Variants in ESR1 observed in about 807,000 individuals in gnomAD.
ESR1 encodes the protein estrogen receptor 1, also known as estrogen receptor.
ESR1 carries 12 observed loss-of-function variants against 52.7 expected under a neutral mutation model. That is an observed-to-expected ratio of 0.23 (90% CI 0.15 to 0.37). The LOEUF (loss-of-function observed/expected upper bound fraction) is 0.37, where lower values mean the gene tolerates loss of function less well. Ranked by LOEUF, ESR1 falls within the 10% of genes least tolerant of loss-of-function variation. The pLI is 1.00. For synonymous variants in ESR1, 305 were observed against 316.8 expected, an observed-to-expected ratio of 0.96 and a Z score of 0.39; for missense variants, 584 against 779.7, an observed-to-expected ratio of 0.75 and a Z score of 2.99.
At chr6:151,874,709 C>T (rs759460424) in intron 2 of ESR1, among the ~76,000 whole-genome samples, 3 of 152,134 alleles carry the variant, frequency 2.0e-5, no homozygotes, top group Admixed American at 6.5e-5. Flanking sequence ...ACCCTTTGAT[C>T]AAGATATGCC....
At chr6:151,729,022 C>G (rs1782049137) in intron 2 of ESR1, among the ~76,000 whole-genome samples, 2 of 152,146 alleles carry the variant, frequency 1.3e-5, no homozygotes, top group Non-Finnish European at 2.9e-5. Flanking sequence ...ACTGTGCTCT[C>G]CTTTTGGTGT....
At chr6:152,057,530 C>G (rs749108271) in intron 5 of ESR1, among the ~76,000 whole-genome samples, 3 of 152,158 alleles carry the variant, frequency 2.0e-5, no homozygotes, top group Non-Finnish European at 2.9e-5. Flanking sequence ...CACTGCATTG[C>G]ATATCCCCCC....
At chr6:151,991,650 T>A (rs566762418) in intron 4 of ESR1, among the ~76,000 whole-genome samples, 4 of 152,218 alleles carry the variant, frequency 2.6e-5, no homozygotes, top group Middle Eastern at 3.4e-3. Context: ...TTCAGACTTG[T>A]CTCAATGGCA....
In ESR1 at chr6:152,060,988, T is replaced by C. The variant is rs754749466; in HGVS notation, c.1236-3T>C. ...TTTATTTATTTTTGCTATGTTTTCA[T>C]AGGAACCAGGGAAAATGTGTAGAGG... On this transcript the variant is annotated splice_region_variant and splice_polypyrimidine_tract_variant and intron_variant, in intron 5 of 7. Transcript: ENST00000206249. The C allele has an allele frequency of 1.9e-6, 3 of 1,600,892 alleles. No individual in the cohort carries two copies. The highest frequency in any genetic ancestry group is 2.2e-5 in the South Asian group (2 of 89,278).
intron 3 of ESR1, among the ~76,000 whole-genome samples, chr6:151,901,208 C>G (rs1796628477): frequency 6.6e-6 from 1 of 152,132 alleles, no homozygotes. Context: ...GTCATGCAGG[C>G]TGTCAGGAAT....
chr6:151,982,027 A>G lies in ESR1; in HGVS notation c.1097-29629A>G, dbSNP rs574332227. ...ACACAGATTCCTTTACACGTTACCAATGTAATGATATAGACAATCTCACTT... is the reference window on the plus strand; with the variant it reads ...ACACAGATTCCTTTACACGTTACCAGTGTAATGATATAGACAATCTCACTT... On this transcript the variant is annotated intron_variant, in intron 4 of 7. Transcript: ENST00000206249. 4.6e-5 allele frequency among the ~76,000 whole-genome samples: 7 copies of G among 152,368 alleles called. No homozygotes were observed. The South Asian group carries it at 1.2e-3, about 27-fold the overall frequency.
intron 4 of ESR1, among the ~76,000 whole-genome samples, chr6:151,953,233 T>A (rs1277386821): frequency 2.0e-5 from 3 of 152,102 alleles, no homozygotes; most frequent in African/African-American, 7.2e-5. Context: ...TTTAGACCCA[T>A]TGTGTGCTAA....
upstream of ESR1, among the ~76,000 whole-genome samples, chr6:151,690,062 A>G (rs569276132): frequency 6.6e-6 from 1 of 152,184 alleles, no homozygotes; most frequent in Non-Finnish European, 1.5e-5. Context: ...GAACCTCATT[A>G]ATCGGTAACA....
chr6:151,704,951 TTCA>T (rs1780073718), intron 2 of ESR1, among the ~76,000 whole-genome samples: 1 of 149,764 alleles, frequency 6.7e-6, no homozygotes, highest in Non-Finnish European at 1.5e-5. Flanking sequence ...TGAAGTTTCC[TTCA>T]GAAACTTCAG....
intron 3 of ESR1, among the ~76,000 whole-genome samples, chr6:151,892,128 A>T (rs1231865412): frequency 6.6e-6 from 1 of 152,172 alleles, no homozygotes; most frequent in Admixed American, 6.5e-5. Context: ...CTCTTTACCT[A>T]CTACCTAGGA....
intron 2 of ESR1, among the ~76,000 whole-genome samples, chr6:151,867,039 T>C (rs1194891902): frequency 6.6e-6 from 1 of 152,146 alleles, no homozygotes; most frequent in Non-Finnish European, 1.5e-5. Flanking sequence ...TAATAAATGG[T>C]GTTGGGAAAA....
At chr6:152,029,252 A>C (rs1204649276) in intron 5 of ESR1, among the ~76,000 whole-genome samples, 5 of 152,262 alleles carry the variant, frequency 3.3e-5, no homozygotes. Flanking sequence ...CTCCAAAGGA[A>C]CGCAGCTCCT....
chr6:151,855,766 A>G (rs557646598), intron 2 of ESR1, among the ~76,000 whole-genome samples: 1 of 152,328 alleles, frequency 6.6e-6, no homozygotes, highest in East Asian at 1.9e-4. Context: ...TCAGAAAAAA[A>G]TGGTATGAGT....
At chr6:152,026,207 T>C (rs1299215887) in intron 5 of ESR1, among the ~76,000 whole-genome samples, 1 of 152,112 alleles carries the variant, frequency 6.6e-6, no homozygotes, top group Non-Finnish European at 1.5e-5. Flanking sequence ...ATATTAGCTA[T>C]GCCCATGTCT....
intron 4 of ESR1, among the ~76,000 whole-genome samples, chr6:151,977,556 A>G (rs1408631771): frequency 2.0e-5 from 3 of 151,832 alleles, no homozygotes; most frequent in Non-Finnish European, 4.4e-5. Flanking sequence ...GCACTTTGGG[A>G]GGCCGAAGGA....
At chr6:152,010,853 C>T (rs953492888) in intron 4 of ESR1, among the ~76,000 whole-genome samples, 2 of 151,826 alleles carry the variant, frequency 1.3e-5, no homozygotes, top group African/African-American at 4.8e-5. Context: ...AAGGGCTCAA[C>T]AAACCTTCTC....
chr6:151,750,670 A>G (rs998102812), intron 2 of ESR1, among the ~76,000 whole-genome samples: 2 of 152,226 alleles, frequency 1.3e-5, no homozygotes, highest in Admixed American at 1.3e-4. Context: ...GAATGCTAAC[A>G]GTAAAACAAG....
At chr6:151,873,182 G>A (rs938527335) in intron 2 of ESR1, among the ~76,000 whole-genome samples, 2 of 152,204 alleles carry the variant, frequency 1.3e-5, no homozygotes, top group African/African-American at 4.8e-5. Flanking sequence ...GAGGTTGTTA[G>A]AATGCATAAG....
At chr6:152,030,826 A>C (rs2128863946) in intron 5 of ESR1, among the ~76,000 whole-genome samples, 1 of 152,380 alleles carries the variant, frequency 6.6e-6, no homozygotes, top group East Asian at 1.9e-4. Context: ...CCAAATCAAC[A>C]GATTATACAT....
Sources: allele counts gnomAD v4.1 joint callset (sites outside exome capture counted in the v4.1 genomes callset), GRCh38; gene constraint gnomAD v4.1.1; transcripts MANE v1.5; gene names NCBI Gene and HGNC (gene_info 2026-07-23, HGNC 2026-07-21).